The following ARL17B variants were observed in gnomAD, a reference collection of about 807,000 sequenced individuals.
ARL17B encodes the protein ARF like GTPase 17B.
At chr17:46,284,057 C>T (rs2049842880) in intron 4 of ARL17B, among the ~76,000 whole-genome samples, 1 of 152,402 alleles carries the variant, frequency 6.6e-6, no homozygotes, top group Admixed American at 6.5e-5. Flanking sequence ...TATACCGAGA[C>T]ATTCCATTGC....
At chr17:46,275,564 G>T in intron 4 of ARL17B, 1 of 502,086 alleles carries the variant, frequency 2.0e-6, no homozygotes, top group Non-Finnish European at 3.7e-6. Flanking sequence ...GAACGATTAA[G>T]AAATTTTTAA....
intron 4 of ARL17B, among the ~76,000 whole-genome samples, chr17:46,289,729 A>G (rs2143445981): frequency 6.6e-6 from 1 of 152,314 alleles, no homozygotes. Context: ...TTCTTCCTAA[A>G]TCTTATAGTC....
In ARL17B at chr17:46,307,825, C is replaced by T. The variant is rs2050620092; in HGVS notation, c.260-8160G>A. The stretch of plus-strand genomic sequence containing the variant: ...GTCAGGAGTTCAAGACCAGCCTGAC[C>T]AACATGGTGAAACCTGTCTCTACTA... On this transcript the variant is annotated intron_variant, in intron 3 of 4. Coordinates refer to the ARL17B transcript ENST00000434041. Among the ~76,000 whole-genome samples the T allele has an allele frequency of 2.6e-5, 2 of 78,102 alleles. 1 individual carries two copies. The highest frequency in any genetic ancestry group is 7.8e-5 in the Non-Finnish European group (2 of 25,734). The allele number at this position is 78,102 out of a possible 152,430, so 51.2% of individuals were successfully genotyped here.
At chr17:46,314,901 A>T (rs1372829652) in intron 3 of ARL17B, among the ~76,000 whole-genome samples, 1 of 79,298 alleles carries the variant, frequency 1.3e-5, no homozygotes, top group African/African-American at 3.2e-5. Context: ...GAAAGACTTT[A>T]TGAAGGATTG....
chr17:46,304,953 C>T (rs1598109460), intron 3 of ARL17B, among the ~76,000 whole-genome samples: 1 of 68,532 alleles, frequency 1.5e-5, no homozygotes. Flanking sequence ...ACTGCAAGGT[C>T]CGCCTCCTGG....
At chr17:46,284,652 C>G (rs1168663272) in intron 4 of ARL17B, among the ~76,000 whole-genome samples, 1 of 152,200 alleles carries the variant, frequency 6.6e-6, no homozygotes. Context: ...TGAGCTGTCA[C>G]TGAGTGATGC....
intron 4 of ARL17B, among the ~76,000 whole-genome samples, chr17:46,282,061 A>AT (rs1481593433): frequency 3.5e-4 from 54 of 152,156 alleles, no homozygotes; most frequent in Admixed American, 1.3e-3. Flanking sequence ...GAGAATAAAA[A>AT]TTGGATACTT....
intron 4 of ARL17B, among the ~76,000 whole-genome samples, chr17:46,283,280 GA>G: frequency 6.6e-6 from 1 of 152,216 alleles, no homozygotes; most frequent in East Asian, 1.9e-4. Flanking sequence ...TGAGACTTCT[GA>G]AAAAACTTCA....
chr17:46,285,681 G>A (rs2049889563), intron 4 of ARL17B, among the ~76,000 whole-genome samples: 1 of 152,228 alleles, frequency 6.6e-6, no homozygotes, highest in Non-Finnish European at 1.5e-5. Context: ...TGTTAGATAA[G>A]CTGAGGTGGT....
intron 4 of ARL17B, among the ~76,000 whole-genome samples, chr17:46,283,621 G>C (rs2049828537): frequency 6.6e-6 from 1 of 152,258 alleles, no homozygotes; most frequent in Non-Finnish European, 1.5e-5. Context: ...TGGTGAAGGG[G>C]TGGGTTGCCC....
chr17:46,275,586 A>C (rs1357242483), intron 4 of ARL17B, among the ~76,000 whole-genome samples: 1 of 152,266 alleles, frequency 6.6e-6, no homozygotes, highest in Non-Finnish European at 1.5e-5. Context: ...CTATAATAAT[A>C]AAACTTTTCA....
intron 4 of ARL17B, among the ~76,000 whole-genome samples, chr17:46,280,760 G>C (rs1011165321): frequency 6.6e-6 from 1 of 152,070 alleles, no homozygotes; most frequent in African/African-American, 2.4e-5. Context: ...TTTTAGTAGG[G>C]ACGAGGTTTT....
At chr17:46,280,866 G>A (rs1029209687) in intron 4 of ARL17B, among the ~76,000 whole-genome samples, 3 of 152,202 alleles carry the variant, frequency 2.0e-5, no homozygotes, top group Non-Finnish European at 4.4e-5. Context: ...AAGCCATTTC[G>A]TGTCTGGCCA....
chr17:46,277,523 C>A (rs570210970), intron 4 of ARL17B, among the ~76,000 whole-genome samples: 8 of 152,370 alleles, frequency 5.3e-5, no homozygotes, highest in African/African-American at 1.7e-4. Context: ...CATAGAGGGG[C>A]TTATAATGAG....
chr17:46,277,444 C>T (rs75812345), intron 4 of ARL17B, among the ~76,000 whole-genome samples: 9,476 of 134,876 alleles, frequency 0.07, no homozygotes, highest in Middle Eastern at 0.12. Context: ...CACCAAAGGC[C>T]TTTCCAATTT....
At chr17:46,325,076 T>C (rs1458038736) in intron 3 of ARL17B, among the ~76,000 whole-genome samples, 1 of 73,202 alleles carries the variant, frequency 1.4e-5, no homozygotes, top group Non-Finnish European at 4.1e-5. Context: ...GTCAGGTCAC[T>C]TTCTTATCTT....
At chr17:46,279,184 CTTTTTTTTT>C (rs1189159774) in intron 4 of ARL17B, among the ~76,000 whole-genome samples, 1 of 137,000 alleles carries the variant, frequency 7.3e-6, no homozygotes, top group South Asian at 2.3e-4. Flanking sequence ...TCTTTTTTTT[CTTTTTTTTT>C]TTTTTTTTGA....
chr17:46,283,362 T>C (rs889705805), intron 4 of ARL17B, among the ~76,000 whole-genome samples: 1 of 152,248 alleles, frequency 6.6e-6, no homozygotes, highest in Admixed American at 6.5e-5. Context: ...TAGGGTCTAC[T>C]GGTTCAAGGA....
At chr17:46,285,272 A>G (rs376500718) in intron 4 of ARL17B, among the ~76,000 whole-genome samples, 2 of 142,014 alleles carry the variant, frequency 1.4e-5, no homozygotes, top group East Asian at 2.1e-4. Flanking sequence ...ACAGAGTCTC[A>G]CACTGTCACC....
Sources: gnomAD v4.1 joint callset for allele counts (sites outside exome capture counted in the v4.1 genomes callset) on GRCh38, gnomAD v4.1.1 for gene constraint, MANE v1.5 for transcripts, NCBI Gene and HGNC (gene_info 2026-07-23, HGNC 2026-07-21) for gene names.